Variants in ANKMY1 observed in about 807,000 individuals in gnomAD.
ANKMY1 encodes the protein ankyrin repeat and MYND domain-containing protein 1.
In ANKMY1, 98 loss-of-function variants were observed where a neutral mutation model predicts 102.0. The ratio of observed to expected loss-of-function variants is 0.96; its 90% CI spans 0.82 to 1.14. ANKMY1 has a LOEUF of 1.14. Among genes scored for constraint, ANKMY1 ranks in the 50% most tolerant of loss-of-function variants. The pLI is 0.00. For synonymous variants in ANKMY1, 582 were observed against 559.9 expected, an observed-to-expected ratio of 1.04 and a Z score of -0.56; for missense variants, 1,330 against 1,347.6, an observed-to-expected ratio of 0.99 and a Z score of 0.20.
intron 15 of ANKMY1, among the ~76,000 whole-genome samples, chr2:240,498,502 G>A (rs1360018290): frequency 9.5e-6 from 1 of 105,142 alleles, no homozygotes; most frequent in African/African-American, 3.4e-5. Context: ...GGGGGTGTGC[G>A]GGCAGCTGTG....
intron 4 of ANKMY1, among the ~76,000 whole-genome samples, chr2:240,542,227 G>T (rs1407530063): frequency 6.6e-6 from 1 of 150,814 alleles, no homozygotes; most frequent in Non-Finnish European, 1.5e-5. Flanking sequence ...AAAAAAAAGG[G>T]CCAGGCATAG....
upstream of ANKMY1, among the ~76,000 whole-genome samples, chr2:240,559,099 C>A (rs1163726678): frequency 6.6e-6 from 1 of 152,168 alleles, no homozygotes; most frequent in African/African-American, 2.4e-5. Context: ...GGGGGACTAG[C>A]ACCAAGTCCA....
chr2:240,555,366 T>C (rs919220994), intron 2 of ANKMY1: 8 of 377,692 alleles, frequency 2.1e-5, no homozygotes, highest in African/African-American at 6.0e-5. Context: ...CTGAGATCGA[T>C]GGCCCTCTGT....
downstream of ANKMY1, among the ~76,000 whole-genome samples, chr2:240,475,583 A>C (rs1009276374): frequency 2.6e-4 from 39 of 151,954 alleles, no homozygotes; most frequent in African/African-American, 8.7e-4. Context: ...TCCTCACTTA[A>C]ATTTATTGCT....
chr2:240,538,213 G>C (rs1199079411), intron 4 of ANKMY1, among the ~76,000 whole-genome samples: 4 of 152,220 alleles, frequency 2.6e-5, no homozygotes, highest in Non-Finnish European at 5.9e-5. Flanking sequence ...CTGCTGCGCT[G>C]TGGGGGCCCC....
At chr2:240,510,467 C>T (rs1443060971) in intron 11 of ANKMY1, among the ~76,000 whole-genome samples, 2 of 152,236 alleles carry the variant, frequency 1.3e-5, no homozygotes, top group Middle Eastern at 3.4e-3. Flanking sequence ...TCCTCTTCTC[C>T]CAGAAGTGTT....
chr2:240,520,343 C>T lies in ANKMY1; in HGVS notation c.2004+19G>A, dbSNP rs2081962063. On this transcript the variant is annotated intron_variant, in intron 9 of 17. Coordinates refer to ENST00000401804, the MANE Select transcript of ANKMY1 (RefSeq NM_001282771.3). The surrounding 1 kb of genome is among the most constrained non-coding windows in gnomAD (Gnocchi z 4.8). ...AGTCTGCTGCGCTCGTCCCGGCGCC[C>T]GCCCGCCGCGGCTCCTACCTGCGGC... 5.3e-6 allele frequency: 8 copies of T among 1,518,688 alleles called. No homozygotes were observed. The highest frequency in any genetic ancestry group is 7.1e-6 in the Non-Finnish European group (8 of 1,128,108). The allele number at this position is 1,518,688 out of a possible 1,614,324, so 94.1% of individuals were successfully genotyped here. A position where few individuals can be genotyped will look rare whatever the true frequency, so the allele number is the denominator to read the frequency against.
chr2:240,481,876 G>C (rs1451005940), intron 16 of ANKMY1, among the ~76,000 whole-genome samples: 1 of 152,168 alleles, frequency 6.6e-6, no homozygotes, highest in Non-Finnish European at 1.5e-5. Context: ...GCCGTCTCTG[G>C]GATGGGAGGT....
intron 2 of ANKMY1, 24 bp downstream of exon 2, chr2:240,557,166 T>A: frequency 6.9e-7 from 1 of 1,445,998 alleles, no homozygotes; most frequent in Non-Finnish European, 9.2e-7. Context: ...GGGTCGGACC[T>A]CCCCGCTGGA....
At chr2:240,483,297 C>T (rs1393148129) in intron 15 of ANKMY1, among the ~76,000 whole-genome samples, 1 of 152,162 alleles carries the variant, frequency 6.6e-6, no homozygotes, top group East Asian at 1.9e-4. Context: ...GCTGGGATTA[C>T]AGGCTTGCAC....
At position 240,504,069 on chromosome 2, in the gene ANKMY1, G is replaced by A. The variant is rs533448028; in HGVS notation, c.2526+3491C>T. 2.4e-4 allele frequency among the ~76,000 whole-genome samples: 37 copies of A among 152,284 alleles called. No individual in the cohort carries two copies. In the East Asian group the frequency reaches 5.4e-3, roughly 22 times the overall value. ...CCAGCTCATTTCTGTGGCTTCAGCC[G>A]CCCAGGCTATGGTCTGCTGCAGCAG... On this transcript the variant is annotated intron_variant, in intron 13 of 17. Transcript: ENST00000401804.
At chr2:240,500,195 C>A in intron 14 of ANKMY1, 72 bp from the exon 15 acceptor site, 2 of 1,469,238 alleles carry the variant, frequency 1.4e-6, no homozygotes, top group Non-Finnish European at 9.0e-7. Flanking sequence ...TCTCGGTGAT[C>A]GAGGGCTCCT....
chr2:240,496,352 TTAGATAGA>T (rs55671912), intron 15 of ANKMY1, among the ~76,000 whole-genome samples: 59,419 of 147,132 alleles, frequency 0.4, 12,046 homozygotes, highest in Non-Finnish European at 0.41. Context: ...GGTACTCTAA[TTAGATAGA>T]TAGATAGATA....
rs1448993919 is a variant in ANKMY1, at chr2:240,524,150, C to G, written c.1567G>C (p.Asp523His). ...IDHRSSSLKG[D>H]SPLVKGSLGH... ...AGGCTGCCCTTCACCAACGGGGAGT[C>G]CCCCTTCAGAGAGCTGCTCCTGTGG... Residue 523 changes from aspartate to histidine, a missense_variant, in exon 8 of 18, where the codon GAC (aspartate) becomes CAC (histidine). Transcript: ENST00000401804. 6.2e-7 allele frequency: 1 copy of G among 1,614,032 alleles called. No homozygotes were observed. The highest frequency in any genetic ancestry group is 1.1e-5 in the South Asian group (1 of 91,090).
intron 4 of ANKMY1, among the ~76,000 whole-genome samples, chr2:240,535,601 G>A (rs2086534949): frequency 6.6e-6 from 1 of 152,162 alleles, no homozygotes; most frequent in African/African-American, 2.4e-5. Flanking sequence ...GTATTTTGAG[G>A]ATAAATATTC....
intron 15 of ANKMY1, among the ~76,000 whole-genome samples, chr2:240,487,535 T>C (rs1159251308): frequency 2.0e-5 from 3 of 152,168 alleles, no homozygotes; most frequent in Admixed American, 2.0e-4. Context: ...TTTTTTTTTT[T>C]AGAAATCTTC....
intron 4 of ANKMY1, among the ~76,000 whole-genome samples, chr2:240,545,071 A>C (rs2090028278): frequency 6.6e-6 from 1 of 152,114 alleles, no homozygotes; most frequent in Admixed American, 6.5e-5. Context: ...CAGACACACA[A>C]AAAGACAACA....
In ANKMY1 at chr2:240,525,772, G is replaced by A. The variant is rs35122574; in HGVS notation, c.1248C>T (p.Leu416=). ...GGAGGAAACACATGCTGAGTGCCGT[G>A]AGACCCTCATCTGAGCACTTGTTCA... ...ADVNKCSDEG[L]TALSMCFLLH... The change falls in exon 7 of 18, where the codon CTC becomes CTT. Residue 416 remains leucine, a synonymous_variant. Coordinates refer to ENST00000401804, the MANE Select transcript of ANKMY1 (RefSeq NM_001282771.3). 4.2e-5 allele frequency: 67 copies of A among 1,614,026 alleles called. No homozygotes were observed. The highest frequency in any genetic ancestry group is 1.2e-4 in the Admixed American group (7 of 60,006).
At chr2:240,538,260 T>C (rs1575256393) in intron 4 of ANKMY1, among the ~76,000 whole-genome samples, 1 of 152,054 alleles carries the variant, frequency 6.6e-6, no homozygotes, top group East Asian at 1.9e-4. Flanking sequence ...CGGCTCCCTC[T>C]GCTTGCAGGG....
Sources: gnomAD v4.1 joint callset for allele counts (sites outside exome capture counted in the v4.1 genomes callset) on GRCh38, gnomAD v4.1.1 for gene constraint, Gnocchi (gnomAD v3.1) non-coding constraint, MANE v1.5 for transcripts, NCBI Gene and HGNC (gene_info 2026-07-23, HGNC 2026-07-21) for gene names.